Variants in GABRB2 observed in about 807,000 individuals in gnomAD.
The protein encoded by GABRB2 is gamma-aminobutyric acid type A receptor subunit beta2.
Under a neutral mutation model 54.7 loss-of-function variants are expected in GABRB2, and 16 were observed. The observed-to-expected ratio is 0.29, with a 90% CI of 0.20 to 0.44. The LOEUF is 0.44. GABRB2 is among the 20% of genes least tolerant of loss of function. The pLI, the probability that GABRB2 is intolerant of heterozygous loss-of-function variation, is 1.00. For synonymous variants in GABRB2, 244 were observed against 233.8 expected, an observed-to-expected ratio of 1.04 and a Z score of -0.40; for missense variants, 355 against 644.0, an observed-to-expected ratio of 0.55 and a Z score of 4.86.
At chr5:161,374,154 G>A (rs1755216033) in intron 5 of GABRB2, among the ~76,000 whole-genome samples, 1 of 152,024 alleles carries the variant, frequency 6.6e-6, no homozygotes, top group Admixed American at 6.6e-5. Flanking sequence ...ATGTTGGTCA[G>A]GCTGGTCTCG....
chr5:161,439,389 A>G (rs904236306), intron 4 of GABRB2, among the ~76,000 whole-genome samples: 7 of 152,242 alleles, frequency 4.6e-5, no homozygotes, highest in Admixed American at 1.3e-4. Flanking sequence ...CTGTCTTACA[A>G]GAAATGTTAT....
At chr5:161,484,131 G>A (rs1363258998) in intron 3 of GABRB2, among the ~76,000 whole-genome samples, 1 of 151,770 alleles carries the variant, frequency 6.6e-6, no homozygotes, top group Non-Finnish European at 1.5e-5. Context: ...TTGACACTAT[G>A]CCTATCTTAA....
intron 5 of GABRB2, among the ~76,000 whole-genome samples, chr5:161,359,918 T>C (rs886567503): frequency 6.6e-6 from 1 of 152,042 alleles, no homozygotes; most frequent in Non-Finnish European, 1.5e-5. Flanking sequence ...CCATGTGTAC[T>C]AAAAATACAG....
chr5:161,470,675 C>A (rs963464082), intron 3 of GABRB2, among the ~76,000 whole-genome samples: 8 of 151,750 alleles, frequency 5.3e-5, no homozygotes, highest in Non-Finnish European at 1.0e-4. Flanking sequence ...AGCGGGATGG[C>A]GAGAGATTTC....
chr5:161,356,935 T>A (rs1754648490), intron 5 of GABRB2, among the ~76,000 whole-genome samples: 1 of 152,220 alleles, frequency 6.6e-6, no homozygotes, highest in African/African-American at 2.4e-5. Context: ...GCATCCTATG[T>A]GCCAGGCACT....
At chr5:161,476,721 G>A (rs1471660432) in intron 3 of GABRB2, among the ~76,000 whole-genome samples, 1 of 151,808 alleles carries the variant, frequency 6.6e-6, no homozygotes, top group Non-Finnish European at 1.5e-5. Context: ...ATGGTATTGG[G>A]ATAACTGGAT....
rs1757159168 is a variant in GABRB2, at chr5:161,288,931, G to C, written c.*5150C>G. 6.6e-6 allele frequency: 1 copy of C among 152,124 alleles called. No individual in the cohort carries two copies. Among genetic ancestry groups the C allele is most frequent in the Non-Finnish European group, 1.5e-5 (1 of 68,014 alleles). The allele number at this position is 152,124 out of a possible 1,614,324, so 9.4% of individuals were successfully genotyped here. On this transcript the variant is annotated 3_prime_UTR_variant, in exon 10 of 10. Coordinates refer to ENST00000393959, the MANE Select transcript of GABRB2 (RefSeq NM_001371727.1). ...AATTATGTTTAAAATGACGATGGTTGAACTCAAATTATTGAACCAAAAACA... is the reference window on the plus strand; with the variant it reads ...AATTATGTTTAAAATGACGATGGTTCAACTCAAATTATTGAACCAAAAACA...
At chr5:161,341,038 G>A (rs1754140311) in intron 5 of GABRB2, among the ~76,000 whole-genome samples, 1 of 151,960 alleles carries the variant, frequency 6.6e-6, no homozygotes, top group Admixed American at 6.6e-5. Flanking sequence ...GATTGCAAAT[G>A]GAAAGCAAAT....
At chr5:161,504,453 A>C (rs1252951346) in intron 3 of GABRB2, among the ~76,000 whole-genome samples, 1 of 152,182 alleles carries the variant, frequency 6.6e-6, no homozygotes. Flanking sequence ...CTTTTAAAAA[A>C]TTCACGGCTT....
chr5:161,434,634 G>A (rs1757259957), intron 4 of GABRB2, among the ~76,000 whole-genome samples: 1 of 152,014 alleles, frequency 6.6e-6, no homozygotes, highest in African/African-American at 2.4e-5. Context: ...GTAACTCTAA[G>A]TCTTTAAGTT....
chr5:161,298,510 G>C (rs1757446884), intron 9 of GABRB2, among the ~76,000 whole-genome samples: 1 of 152,098 alleles, frequency 6.6e-6, no homozygotes, highest in Non-Finnish European at 1.5e-5. Context: ...TTTATTAATG[G>C]AATTAATTTT....
intron 5 of GABRB2, among the ~76,000 whole-genome samples, chr5:161,341,811 G>A (rs941160756): frequency 6.4e-4 from 96 of 150,076 alleles, no homozygotes; most frequent in African/African-American, 2.3e-3. Context: ...TATCTACTAA[G>A]TCAATATTTC....
intron 3 of GABRB2, among the ~76,000 whole-genome samples, chr5:161,497,508 TTGTG>T (rs956639163): frequency 1.4e-5 from 2 of 143,348 alleles, no homozygotes; most frequent in Non-Finnish European, 3.0e-5. Context: ...ATTTTGGACT[TTGTG>T]TGTGTGAGTG....
intron 4 of GABRB2, among the ~76,000 whole-genome samples, chr5:161,455,041 T>A (rs1230345982): frequency 1.3e-5 from 2 of 151,996 alleles, no homozygotes; most frequent in African/African-American, 2.4e-5. Flanking sequence ...AAAAAAAGGG[T>A]CCATATTTCT....
chr5:161,465,090 G>T (rs996382213), intron 3 of GABRB2, among the ~76,000 whole-genome samples: 1 of 151,982 alleles, frequency 6.6e-6, no homozygotes, highest in Admixed American at 6.6e-5. Context: ...CATAGTCTCT[G>T]GGGTCAGACA....
At chr5:161,371,850 TA>T (rs1755142022) in intron 5 of GABRB2, among the ~76,000 whole-genome samples, 1 of 151,754 alleles carries the variant, frequency 6.6e-6, no homozygotes, top group Non-Finnish European at 1.5e-5. Flanking sequence ...ACCTCCTGAG[TA>T]GCTAGAATCA....
At chr5:161,298,631 T>A (rs1394628980) in intron 9 of GABRB2, among the ~76,000 whole-genome samples, 1 of 152,254 alleles carries the variant, frequency 6.6e-6, no homozygotes, top group East Asian at 1.9e-4. Context: ...CTTGAGTTTC[T>A]TCCCTGCTCT....
intron 3 of GABRB2, among the ~76,000 whole-genome samples, chr5:161,486,234 C>G (rs1359744849): frequency 2.6e-5 from 4 of 151,896 alleles, no homozygotes; most frequent in African/African-American, 9.7e-5. Context: ...GGGTCTTCCT[C>G]TTCAGCTACA....
intron 5 of GABRB2, among the ~76,000 whole-genome samples, chr5:161,381,510 A>C (rs1229077347): frequency 1.3e-5 from 2 of 152,166 alleles, no homozygotes; most frequent in African/African-American, 4.8e-5. Context: ...TAGATAATTC[A>C]TTTATTACAT....
Sources: gnomAD v4.1 joint callset for allele counts (sites outside exome capture counted in the v4.1 genomes callset) on GRCh38, gnomAD v4.1.1 for gene constraint, MANE v1.5 for transcripts, NCBI Gene and HGNC (gene_info 2026-07-23, HGNC 2026-07-21) for gene names.